Variants in CNTNAP2 observed in about 807,000 individuals in gnomAD.
The protein encoded by CNTNAP2 is contactin-associated protein-like 2.
CNTNAP2 carries 98 observed loss-of-function variants against 155.2 expected under a neutral mutation model. The observed-to-expected ratio is 0.63, with a 90% confidence interval of 0.54 to 0.75. CNTNAP2 has a LOEUF of 0.75. Among genes scored for constraint, CNTNAP2 ranks in the 30% least tolerant of loss-of-function variants. The pLI is 0.00. For synonymous variants in CNTNAP2, 651 were observed against 631.2 expected (o/e 1.03, Z -0.47); for missense variants, 1,727 against 1,688.1 (o/e 1.02, Z -0.40).
At chr7:146,537,057 C>A (rs1797880374) in intron 1 of CNTNAP2, among the ~76,000 whole-genome samples, 2 of 152,160 alleles carry the variant, frequency 1.3e-5, no homozygotes, top group East Asian at 1.9e-4. Context: ...TGTTTCATAA[C>A]CTAAGGCATG....
chr7:146,680,037 C>T (rs1294541493), intron 1 of CNTNAP2, among the ~76,000 whole-genome samples: 1 of 152,042 alleles, frequency 6.6e-6, no homozygotes, highest in Non-Finnish European at 1.5e-5. Flanking sequence ...TGTTATGTGT[C>T]AGAAACCATC....
intron 13 of CNTNAP2, among the ~76,000 whole-genome samples, chr7:147,775,260 AATATATTTAT>A (rs1797546232): frequency 4.5e-5 from 4 of 89,630 alleles, no homozygotes; most frequent in Non-Finnish European, 8.5e-5. Context: ...TATATTTATA[AATATATTTAT>A]ATATATATTT....
intron 12 of CNTNAP2, among the ~76,000 whole-genome samples, chr7:147,624,002 T>G (rs1311382575): frequency 6.6e-6 from 1 of 151,994 alleles, no homozygotes; most frequent in Admixed American, 6.6e-5. Context: ...GCCAAGAACA[T>G]ACTCTTAGGA....
chr7:146,625,030 C>T (rs367693332), intron 1 of CNTNAP2, among the ~76,000 whole-genome samples: 3 of 151,888 alleles, frequency 2.0e-5, no homozygotes, highest in Admixed American at 6.6e-5. Context: ...AATAGATATA[C>T]AAGTATCTGG....
In CNTNAP2 at chr7:146,410,663, G is replaced by T. The variant is rs569471244; in HGVS notation, c.97+293690G>T. 5.9e-5 allele frequency among the ~76,000 whole-genome samples: 9 copies of T among 152,180 alleles called. 1 individual carries two copies. Among genetic ancestry groups the T allele is most frequent in the African/African-American group, 2.2e-4 (9 of 41,510 alleles). ...TCTTTCCTTCTACCCTCTACCCTCT[G>T]ATAGACTTGAGTGTGTGTTGGACCC... On this transcript the variant is annotated intron_variant, in intron 1 of 23. Transcript: ENST00000361727.
intron 1 of CNTNAP2, among the ~76,000 whole-genome samples, chr7:146,628,480 T>A (rs347218): frequency 0.038 from 5,705 of 151,986 alleles, 372 homozygotes; most frequent in African/African-American, 0.13. Context: ...ATGCTGAGAG[T>A]GGATGTAAAG....
intron 1 of CNTNAP2, among the ~76,000 whole-genome samples, chr7:146,560,176 A>G (rs1563135104): frequency 6.6e-6 from 1 of 152,200 alleles, no homozygotes; most frequent in East Asian, 1.9e-4. Context: ...ATCTGATTCT[A>G]TCTTGAGTCC....
At chr7:146,947,330 A>G (rs1009255676) in intron 3 of CNTNAP2, among the ~76,000 whole-genome samples, 1 of 149,576 alleles carries the variant, frequency 6.7e-6, no homozygotes, top group Non-Finnish European at 1.5e-5. Context: ...AAATTTGTAA[A>G]TTTTTAAGAT....
At chr7:147,409,276 A>C (rs1011627187) in intron 10 of CNTNAP2, among the ~76,000 whole-genome samples, 1 of 152,230 alleles carries the variant, frequency 6.6e-6, no homozygotes, top group African/African-American at 2.4e-5. Flanking sequence ...TCTTTGACAA[A>C]GCTGACAAAT....
intron 11 of CNTNAP2, among the ~76,000 whole-genome samples, chr7:147,512,163 A>T (rs904902301): frequency 3.3e-5 from 5 of 152,156 alleles, no homozygotes; most frequent in African/African-American, 9.7e-5. Context: ...GGAGCTCTCC[A>T]CACTCTCACC....
At chr7:146,252,961 C>T (rs1799779808) in intron 1 of CNTNAP2, among the ~76,000 whole-genome samples, 1 of 152,128 alleles carries the variant, frequency 6.6e-6, no homozygotes, top group African/African-American at 2.4e-5. Flanking sequence ...GTATTAAATG[C>T]TCCACTCTAC....
At chr7:147,494,306 C>T (rs1272550718) in intron 11 of CNTNAP2, among the ~76,000 whole-genome samples, 1 of 152,052 alleles carries the variant, frequency 6.6e-6, no homozygotes, top group Non-Finnish European at 1.5e-5. Flanking sequence ...AGAAACACAG[C>T]CCAAGGACCT....
intron 21 of CNTNAP2, among the ~76,000 whole-genome samples, chr7:148,296,003 A>G (rs1274044076): frequency 6.6e-6 from 1 of 152,248 alleles, no homozygotes; most frequent in Non-Finnish European, 1.5e-5. Context: ...TACAGCTGGT[A>G]TAAACAATTA....
intron 1 of CNTNAP2, among the ~76,000 whole-genome samples, chr7:146,129,002 T>C (rs1055340261): frequency 5.9e-5 from 9 of 152,202 alleles, no homozygotes; most frequent in African/African-American, 2.2e-4. Flanking sequence ...AGATAGTTTA[T>C]ACTTATTTGC....
chr7:147,490,881 G>A (rs1584767610), intron 11 of CNTNAP2, among the ~76,000 whole-genome samples: 1 of 152,228 alleles, frequency 6.6e-6, no homozygotes, highest in East Asian at 1.9e-4. Context: ...TGACATGGTG[G>A]CAGGAGAGAG....
Position 146,761,530 on chromosome 7 carries a change from G to A in CNTNAP2, c.98-12741G>A, listed in dbSNP as rs1473527981. On this transcript the variant is annotated intron_variant, in intron 1 of 23. Transcript: ENST00000361727. ...GTTCTGTTGTTGTTGCTGTTTTTAA[G>A]TTTGTTTGTTTTTGTCTCTTTCTTG... 2.0e-5 allele frequency among the ~76,000 whole-genome samples: 3 copies of A among 152,148 alleles called. No homozygotes were observed. The East Asian group carries it at 5.8e-4, about 29-fold the overall frequency.
intron 4 of CNTNAP2, among the ~76,000 whole-genome samples, chr7:147,049,960 C>T (rs941863952): frequency 2.0e-5 from 3 of 152,108 alleles, no homozygotes; most frequent in Admixed American, 6.5e-5. Context: ...CGTTCCAGGC[C>T]ACTGCTCTGA....
chr7:146,913,170 G>T (rs549560841), intron 3 of CNTNAP2, among the ~76,000 whole-genome samples: 3 of 152,144 alleles, frequency 2.0e-5, no homozygotes, highest in Non-Finnish European at 4.4e-5. Flanking sequence ...AATGAGCAGC[G>T]GGTCTTTTCA....
intron 1 of CNTNAP2, among the ~76,000 whole-genome samples, chr7:146,314,299 CT>C (rs1348834396): frequency 6.6e-6 from 1 of 152,136 alleles, no homozygotes; most frequent in Non-Finnish European, 1.5e-5. Flanking sequence ...TGTCTTTGTT[CT>C]TAGTGGCCCC....
Sources: gnomAD v4.1 joint callset for allele counts (sites outside exome capture counted in the v4.1 genomes callset) on GRCh38, gnomAD v4.1.1 for gene constraint, MANE v1.5 for transcripts, NCBI Gene and HGNC (gene_info 2026-07-23, HGNC 2026-07-21) for gene names.